Variants in HMCN1 observed in about 807,000 individuals in gnomAD.
HMCN1 encodes hemicentin 1.
Under a neutral mutation model 625.9 loss-of-function variants are expected in HMCN1, and 321 were observed. That is an observed-to-expected ratio of 0.51 (90% CI 0.47 to 0.56). HMCN1 has a LOEUF of 0.56. HMCN1 is among the 20% of genes least tolerant of loss of function. The probability of loss-of-function intolerance (pLI) is 0.00; values close to 1 mark genes in which losing one functional copy is unlikely to be tolerated. For missense variants in HMCN1, 6,588 were observed against 6,887.3 expected, an observed-to-expected ratio of 0.96 and a Z score of 1.54; for synonymous variants, 2,425 against 2,417.6, an observed-to-expected ratio of 1.00 and a Z score of -0.09.
intron 53 of HMCN1, among the ~76,000 whole-genome samples, chr1:186,075,574 A>C (rs1658763241): frequency 6.6e-6 from 1 of 152,114 alleles, no homozygotes; most frequent in African/African-American, 2.4e-5. Flanking sequence ...TAAAGTATAT[A>C]AAGCTCCTAG....
At chr1:185,905,518 G>T (rs1666047890) in intron 4 of HMCN1, among the ~76,000 whole-genome samples, 1 of 151,634 alleles carries the variant, frequency 6.6e-6, no homozygotes, top group Non-Finnish European at 1.5e-5. Context: ...GATGTCCTGG[G>T]GAAATTCATT....
At chr1:185,871,083 G>A (rs1663587537) in intron 4 of HMCN1, among the ~76,000 whole-genome samples, 1 of 152,150 alleles carries the variant, frequency 6.6e-6, no homozygotes, top group South Asian at 2.1e-4. Flanking sequence ...ACAAAAATTA[G>A]CTGGGCATGG....
intron 4 of HMCN1, among the ~76,000 whole-genome samples, chr1:185,883,772 A>G (rs1175916780): frequency 6.6e-6 from 1 of 151,176 alleles, no homozygotes; most frequent in African/African-American, 2.4e-5. Flanking sequence ...TTTTAATTTC[A>G]CTGTGGTTTT....
At chr1:185,794,343 T>TTATATATATATATATATATATATATA (rs61058896) in intron 1 of HMCN1, among the ~76,000 whole-genome samples, 6 of 147,638 alleles carry the variant, frequency 4.1e-5, no homozygotes, top group Admixed American at 2.7e-4. Flanking sequence ...AGAGGATAGA[T>TTATATATATATATATATATATATATA]TATATATATA....
intron 56 of HMCN1, 105 bp from the exon 57 acceptor site, chr1:186,082,760 G>T (rs956259300): frequency 8.2e-6 from 4 of 488,408 alleles, no homozygotes; most frequent in Non-Finnish European, 1.4e-5. Context: ...TTTTCTATCT[G>T]GTATTAAATA....
intron 1 of HMCN1, among the ~76,000 whole-genome samples, chr1:185,761,445 A>G (rs1655495590): frequency 6.6e-6 from 1 of 152,184 alleles, no homozygotes; most frequent in South Asian, 2.1e-4. Flanking sequence ...ATGTGTCTAC[A>G]GTCAAAACCC....
chr1:186,125,623 T>C lies in HMCN1; in HGVS notation c.12519T>C (p.Ser4173=). Residue 4173 remains serine, a synonymous_variant, in exon 82 of 107, where the codon AGT becomes AGC. Transcript: ENST00000271588. Reference sequence around the variant, plus strand: ...TCATAGTACCACCCAGGATCAGAAGTACAGAAGGACACTACACGGTCAATG... The same window carrying C: ...TCATAGTACCACCCAGGATCAGAAGCACAGAAGGACACTACACGGTCAATG... ...LTVHVPPRIR[S]TEGHYTVNEN... is the part of the protein sequence containing the mutation. 6.2e-7 allele frequency: 1 copy of C among 1,613,152 alleles called. No homozygotes were observed. The highest frequency in any genetic ancestry group is 8.5e-7 in the Non-Finnish European group (1 of 1,179,272).
chr1:185,919,044 A>G (rs1445403324), intron 6 of HMCN1, among the ~76,000 whole-genome samples: 1 of 150,438 alleles, frequency 6.6e-6, no homozygotes, highest in African/African-American at 2.5e-5. Context: ...AGACATTAAG[A>G]TAGTAATTTT....
chr1:185,754,022 A>T (rs1189912642), intron 1 of HMCN1, among the ~76,000 whole-genome samples: 1 of 152,220 alleles, frequency 6.6e-6, no homozygotes, highest in East Asian at 1.9e-4. Context: ...ATCATTCTGC[A>T]TCCATGGATG....
intron 81 of HMCN1, among the ~76,000 whole-genome samples, chr1:186,124,799 T>G (rs1408817165): frequency 6.6e-5 from 10 of 152,120 alleles, no homozygotes; most frequent in Non-Finnish European, 1.3e-4. Flanking sequence ...TTCTGATTTG[T>G]TTGAATAATT....
intron 1 of HMCN1, among the ~76,000 whole-genome samples, chr1:185,773,089 T>C (rs1478474153): frequency 6.6e-6 from 1 of 152,176 alleles, no homozygotes. Flanking sequence ...CCCTCATTTA[T>C]ATTCTAAGGA....
At chr1:186,165,035 G>C (rs1279518417) in intron 97 of HMCN1, 76 bp from the exon 98 acceptor site, 1 of 1,239,238 alleles carries the variant, frequency 8.1e-7, no homozygotes, top group Non-Finnish European at 1.2e-6. Flanking sequence ...ATCTTCCCAG[G>C]GAAGATGGTA....
rs16824868 is a variant in HMCN1, at chr1:186,058,184, C to T, written c.7312+783C>T. On this transcript the variant is annotated intron_variant, in intron 46 of 106. Coordinates refer to ENST00000271588, the MANE Select transcript of HMCN1 (RefSeq NM_031935.3). ...CCCTCTATATAATTATCTGATTATG[C>T]TAATTTATGATCTCTTTGCACTTAC... Among the ~76,000 whole-genome samples the T allele has an allele frequency of 7.8e-3, 1,193 of 152,040 alleles. 42 individuals are homozygous for T. The highest frequency in any genetic ancestry group is 0.06 in the Admixed American group (907 of 15,210).
chr1:185,802,378 C>T (rs1279087503), intron 1 of HMCN1, among the ~76,000 whole-genome samples: 5 of 151,474 alleles, frequency 3.3e-5, no homozygotes, highest in African/African-American at 9.8e-5. Context: ...AGAGATTCTG[C>T]GAAAGTTGCC....
chr1:185,841,568 C>T (rs1034995957), intron 1 of HMCN1, among the ~76,000 whole-genome samples: 1 of 152,130 alleles, frequency 6.6e-6, no homozygotes, highest in African/African-American at 2.4e-5. Flanking sequence ...TATTTTCCTC[C>T]TCCTTCCTCC....
Position 186,067,936 on chromosome 1 carries a change from C to T in HMCN1, c.7808C>T (p.Pro2603Leu). Residue 2603 changes from proline (P) to leucine (L), a missense_variant, in exon 50 of 107, where the codon CCT (proline) becomes CTT (leucine). Pro to Leu is a moderately conservative substitution (Grantham distance 98, BLOSUM62 -3). Coordinates refer to ENST00000271588, the MANE Select transcript of HMCN1 (RefSeq NM_031935.3). ...TSLVCEAYSY[P>L]PATITWFKDG... Reference sequence around the variant, plus strand: ...TTGGTCTGTGAAGCTTATTCATATCCTCCAGCTACCATCACCTGGTTTAAG... The same window carrying T: ...TTGGTCTGTGAAGCTTATTCATATCTTCCAGCTACCATCACCTGGTTTAAG... 1 of 1,613,386 alleles carries T rather than the reference C, an allele frequency of 6.2e-7. No individual in the cohort carries two copies.
At chr1:186,007,004 C>A (rs1347979522) in intron 29 of HMCN1, 124 bp from the exon 30 acceptor site, 25 of 764,366 alleles carry the variant, frequency 3.3e-5, no homozygotes, top group African/African-American at 3.6e-5. Flanking sequence ...CTAATCATAT[C>A]ATTTTATTTT....
chr1:185,978,932 C>T (rs540633872), intron 16 of HMCN1, among the ~76,000 whole-genome samples: 7 of 152,278 alleles, frequency 4.6e-5, no homozygotes, highest in Admixed American at 1.3e-4. Flanking sequence ...CCACCCACAT[C>T]GTCTTCCCAA....
chr1:185,808,755 A>G (rs1427943274), intron 1 of HMCN1, among the ~76,000 whole-genome samples: 1 of 152,188 alleles, frequency 6.6e-6, no homozygotes, highest in Non-Finnish European at 1.5e-5. Context: ...AGGCATCTGA[A>G]TGATGTAAGA....
Sources: allele counts gnomAD v4.1 joint callset (sites outside exome capture counted in the v4.1 genomes callset), GRCh38; gene constraint gnomAD v4.1.1; transcripts MANE v1.5; gene names NCBI Gene and HGNC (gene_info 2026-07-23, HGNC 2026-07-21).